KATNIP: variants seen among roughly 807,000 people sequenced by gnomAD.
KATNIP encodes the protein katanin interacting protein.
KATNIP carries 126 observed loss-of-function variants against 174.0 expected under a neutral mutation model. The observed-to-expected ratio is 0.72, with a 90% CI of 0.63 to 0.84. KATNIP has a LOEUF of 0.84. Among genes scored for constraint, KATNIP ranks in the 40% least tolerant of loss-of-function variants. The pLI is 0.00. For missense variants in KATNIP, 1,958 were observed against 2,109.7 expected, an observed-to-expected ratio of 0.93 and a Z score of 1.41; for synonymous variants, 810 against 835.7, an observed-to-expected ratio of 0.97 and a Z score of 0.53.
chr16:27,639,898 C>T (rs1425588783), intron 5 of KATNIP, among the ~76,000 whole-genome samples: 3 of 152,004 alleles, frequency 2.0e-5, no homozygotes, highest in Non-Finnish European at 2.9e-5. Context: ...TCAAGTCAGC[C>T]GGACCTCCCA....
chr16:27,724,697 C>T (rs2080377205), intron 14 of KATNIP, among the ~76,000 whole-genome samples: 1 of 152,208 alleles, frequency 6.6e-6, no homozygotes. Flanking sequence ...AAAGCGCAAA[C>T]AAATGCAGCT....
At chr16:27,709,559 GTTACAGTAAGCCGAGA>G (rs1373691493) in intron 13 of KATNIP, among the ~76,000 whole-genome samples, 1 of 152,130 alleles carries the variant, frequency 6.6e-6, no homozygotes, top group East Asian at 1.9e-4. Context: ...GGAGGCAGAG[GTTACAGTAAGCCGAGA>G]TTGCAGTAAG....
chr16:27,583,600 C>T (rs2090777088), intron 2 of KATNIP, among the ~76,000 whole-genome samples: 1 of 152,220 alleles, frequency 6.6e-6, no homozygotes, highest in Non-Finnish European at 1.5e-5. Context: ...GCTGCTGTCA[C>T]TGACCATGGA....
intron 8 of KATNIP, among the ~76,000 whole-genome samples, chr16:27,696,752 G>A (rs1376592378): frequency 4.1e-5 from 6 of 147,840 alleles, no homozygotes; most frequent in Non-Finnish European, 8.9e-5. Flanking sequence ...TTTTGAGACA[G>A]AGTTTCACTC....
At chr16:27,722,372 C>T (rs1475497250) in intron 14 of KATNIP, 1 of 152,276 alleles carries the variant, frequency 6.6e-6, no homozygotes, top group African/African-American at 2.4e-5. Context: ...ATTGAGATAA[C>T]TTGCTACCTT....
At chr16:27,742,113 T>TCTTCAAGG (rs2081132896) in intron 15 of KATNIP, among the ~76,000 whole-genome samples, 1 of 151,570 alleles carries the variant, frequency 6.6e-6, no homozygotes, top group Non-Finnish European at 1.5e-5. Context: ...GATTAGATGG[T>TCTTCAAGG]CTTCAAGGGC....
At chr16:27,590,752 T>TA (rs2075136498) in intron 2 of KATNIP, among the ~76,000 whole-genome samples, 1 of 152,220 alleles carries the variant, frequency 6.6e-6, no homozygotes, top group African/African-American at 2.4e-5. Context: ...GTGCTGCCTC[T>TA]AGGTTTGGAG....
At chr16:27,753,862 C>T (rs1426758365) in intron 17 of KATNIP, among the ~76,000 whole-genome samples, 1 of 151,286 alleles carries the variant, frequency 6.6e-6, no homozygotes, top group Non-Finnish European at 1.5e-5. Context: ...TTCTTTCTTC[C>T]TCTAGCTCAC....
Position 27,770,022 on chromosome 16 carries a change from AG to A in KATNIP, c.4133+6del. 1 of 1,611,586 alleles carries A rather than the reference AG, an allele frequency of 6.2e-7. No individual in the cohort carries two copies. The highest frequency in any genetic ancestry group is 8.5e-7 in the Non-Finnish European group (1 of 1,177,894). ...TGCTGCCCCAGCCGGCCAGGAGGTGAGGAGAAAGTGGGCGCCACACACAGCC... is the reference window on the plus strand; with the variant it reads ...TGCTGCCCCAGCCGGCCAGGAGGTGAGAGAAAGTGGGCGCCACACACAGCC... On this transcript the variant is annotated splice_donor_5th_base_variant and intron_variant, in intron 21 of 27. Coordinates refer to ENST00000261588, the MANE Select transcript of KATNIP (RefSeq NM_015202.5).
At chr16:27,569,042 TA>T (rs1284359858) in intron 1 of KATNIP, among the ~76,000 whole-genome samples, 1 of 152,234 alleles carries the variant, frequency 6.6e-6, no homozygotes, top group African/African-American at 2.4e-5. Flanking sequence ...ATATTCTGCA[TA>T]TATATTTTTA....
At chr16:27,671,021 A>G (rs899142787) in intron 6 of KATNIP, among the ~76,000 whole-genome samples, 3 of 151,928 alleles carry the variant, frequency 2.0e-5, no homozygotes, top group Admixed American at 6.6e-5. Flanking sequence ...GGGAAACTCC[A>G]TCTCTACTAA....
At chr16:27,758,852 G>A (rs1467084220) in intron 18 of KATNIP, among the ~76,000 whole-genome samples, 1 of 152,062 alleles carries the variant, frequency 6.6e-6, no homozygotes, top group East Asian at 1.9e-4. Context: ...TGGAACTGTT[G>A]CCTTTCTTTG....
intron 8 of KATNIP, among the ~76,000 whole-genome samples, chr16:27,683,231 C>A (rs141815145): frequency 6.6e-6 from 1 of 152,194 alleles, no homozygotes; most frequent in Non-Finnish European, 1.5e-5. Flanking sequence ...AGTCTCTGAT[C>A]TGCATCCTGC....
At chr16:27,758,035 G>T (rs1005132748) in intron 18 of KATNIP, among the ~76,000 whole-genome samples, 6 of 152,338 alleles carry the variant, frequency 3.9e-5, no homozygotes, top group Middle Eastern at 3.4e-3. Context: ...AGAGGAAAAT[G>T]AATATGGAAT....
At chr16:27,616,917 A>G in intron 2 of KATNIP, among the ~76,000 whole-genome samples, 1 of 149,620 alleles carries the variant, frequency 6.7e-6, no homozygotes, top group East Asian at 1.9e-4. Flanking sequence ...AAAAAAAAAA[A>G]AAAAAAAATG....
chr16:27,623,815 C>T (rs2142101613), intron 3 of KATNIP, among the ~76,000 whole-genome samples: 1 of 152,230 alleles, frequency 6.6e-6, no homozygotes, highest in African/African-American at 2.4e-5. Context: ...AGAGACCACT[C>T]AGTCATAAGC....
chr16:27,779,502 C>T lies in KATNIP; in HGVS notation c.*873C>T, dbSNP rs1463261005. On this transcript the variant is annotated 3_prime_UTR_variant, in exon 28 of 28. Coordinates refer to ENST00000261588, the MANE Select transcript of KATNIP (RefSeq NM_015202.5). ...GGGAACACTGAGGACAATCCCCCAT[C>T]TCCCCTCACCCTTGAGCAGGCCCTC... 1 of 152,478 alleles carries T rather than the reference C, an allele frequency of 6.6e-6. No homozygotes were observed. Among genetic ancestry groups the T allele is most frequent in the East Asian group, 1.9e-4 (1 of 5,194 alleles). 9.4% of individuals were successfully genotyped at this position (152,478 alleles called of 1,614,324 possible). A position where few individuals can be genotyped will look rare whatever the true frequency, so the allele number is the denominator to read the frequency against.
Position 27,740,679 on chromosome 16 carries a change from C to T in KATNIP, c.2382C>T (p.Ile794=), listed in dbSNP as rs766197863. The T allele has an allele frequency of 8.7e-5, 141 of 1,614,036 alleles. No homozygotes were observed. The highest frequency in any genetic ancestry group is 6.4e-4 in the African/African-American group (48 of 74,942). ...WKGRLPSDDV[I]GEGPGETEAR... is the part of the protein sequence containing the mutation. ...GCAGGCTCCCATCAGACGATGTCAT[C>T]GGTGAGGGTCCTGGAGAGACCGAGG... Residue 794 remains isoleucine (I), a synonymous_variant, in exon 15 of 28, where the codon ATC becomes ATT. Transcript: ENST00000261588.
At chr16:27,579,112 G>A (rs1414943259) in intron 2 of KATNIP, among the ~76,000 whole-genome samples, 2 of 152,162 alleles carry the variant, frequency 1.3e-5, no homozygotes, top group African/African-American at 4.8e-5. Flanking sequence ...ATCATGCAGT[G>A]TTGGAAAAAA....
Sources: allele counts gnomAD v4.1 joint callset (sites outside exome capture counted in the v4.1 genomes callset), GRCh38; gene constraint gnomAD v4.1.1; transcripts MANE v1.5; gene names NCBI Gene and HGNC (gene_info 2026-07-23, HGNC 2026-07-21).